The following ASB17 variants were observed in gnomAD, a reference collection of about 807,000 sequenced individuals.
ASB17 encodes ankyrin repeat and SOCS box protein 17.
In ASB17, 26 loss-of-function variants were observed where a neutral mutation model predicts 25.7. The observed-to-expected ratio is 1.01, with a 90% CI of 0.74 to 1.40. The LOEUF (loss-of-function observed/expected upper bound fraction) is 1.40. Among genes scored for constraint, ASB17 ranks in the 40% most tolerant of loss-of-function variants. ASB17 has a pLI of 0.00. For missense variants in ASB17, 326 were observed against 338.5 expected, an observed-to-expected ratio of 0.96 and a Z score of 0.29; for synonymous variants, 128 against 121.4, an observed-to-expected ratio of 1.05 and a Z score of -0.36.
In ASB17 at chr1:75,930,177, A is replaced by G. The variant is rs1653285914; in HGVS notation, c.401+1714T>C. 2.0e-5 allele frequency among the ~76,000 whole-genome samples: 3 copies of G among 148,648 alleles called. No individual in the cohort carries two copies. In the Admixed American group the frequency reaches 2.0e-4, roughly 10 times the overall value. On this transcript the variant is annotated intron_variant, in intron 1 of 2. Coordinates refer to ENST00000284142, the MANE Select transcript of ASB17 (RefSeq NM_080868.3). ...ATTTATATATTATATATATTCAAAT[A>G]TTTAGCTATATATAACCAGTTGTAT...
chr1:75,918,990 G>A lies in ASB17; in HGVS notation c.850C>T (p.Pro284Ser), dbSNP rs748346833. 3.7e-6 allele frequency: 6 copies of A among 1,612,910 alleles called. No individual in the cohort carries two copies. The Admixed American group carries it at 8.3e-5, about 22-fold the overall frequency. ...TTCAGATAGTTTTGTAGACGAGCAG[G>A]AATTAGAAGTGAAAATATTCCATCT... ...LPDGIFSLLI[P>S]ARLQNYLNLE... is the part of the protein sequence containing the mutation. The change falls in exon 3 of 3, where the codon CCT becomes TCT. Residue 284 changes from proline (P) to serine (S), a missense_variant. By Grantham distance (74) the Pro-to-Ser change is moderately conservative (BLOSUM62 -1). Coordinates refer to ENST00000284142, the MANE Select transcript of ASB17 (RefSeq NM_080868.3).
Position 75,919,835 on chromosome 1 carries a change from T to C in ASB17, c.682-677A>G, listed in dbSNP as rs371208404. Among the ~76,000 whole-genome samples the C allele has an allele frequency of 6.3e-3, 954 of 152,300 alleles. 13 individuals carry two copies. The highest frequency in any genetic ancestry group is 0.035 in the Admixed American group (531 of 15,278). ...AAGTCTTTGCTATTGTGAATAGTGC[T>C]GCAATAAACATATGTGTGCATGTGT... is the stretch of plus-strand genomic sequence containing the variant. On this transcript the variant is annotated intron_variant, in intron 2 of 2. Coordinates refer to ENST00000284142, the MANE Select transcript of ASB17 (RefSeq NM_080868.3).
chr1:75,920,756 G>C (rs1007827445), intron 2 of ASB17, among the ~76,000 whole-genome samples: 1 of 146,158 alleles, frequency 6.8e-6, no homozygotes, highest in Non-Finnish European at 1.5e-5. Context: ...CTCTGTCCTA[G>C]TGCTTTTCTT....
rs1045945691 is a variant in ASB17, at chr1:75,931,745, G to A, written c.401+146C>T. ...ATGGAATACATAATAAAAGAGTGAA[G>A]GAGTGAACACGTGGTCAAGCAATTA... On this transcript the variant is annotated intron_variant, in intron 1 of 2. Coordinates refer to ENST00000284142, the MANE Select transcript of ASB17 (RefSeq NM_080868.3). The A allele has an allele frequency of 2.5e-5, 15 of 595,876 alleles. No homozygotes were observed. The African/African-American group carries it at 2.6e-4, about 11-fold the overall frequency. 36.9% of individuals were successfully genotyped at this position (595,876 alleles called of 1,614,324 possible). A position where few individuals can be genotyped will look rare whatever the true frequency, so the allele number is the denominator to read the frequency against.
intron 2 of ASB17, among the ~76,000 whole-genome samples, chr1:75,921,058 G>A (rs1237071725): frequency 6.6e-6 from 1 of 152,224 alleles, no homozygotes; most frequent in African/African-American, 2.4e-5. Flanking sequence ...ACAGGCGTGA[G>A]CCACTGCGCC....
intron 1 of ASB17, among the ~76,000 whole-genome samples, chr1:75,927,251 A>G (rs1313762463): frequency 1.4e-5 from 2 of 142,590 alleles, no homozygotes; most frequent in Non-Finnish European, 3.1e-5. Flanking sequence ...CTCCAGAACT[A>G]TAAGAACTAA....
intron 1 of ASB17, among the ~76,000 whole-genome samples, chr1:75,927,849 A>G (rs1488085157): frequency 6.6e-6 from 1 of 152,124 alleles, no homozygotes; most frequent in Non-Finnish European, 1.5e-5. Flanking sequence ...GGCATTACCC[A>G]TGGTGTAAAT....
chr1:75,930,016 T>C (rs1047623838), intron 1 of ASB17, among the ~76,000 whole-genome samples: 45 of 152,058 alleles, frequency 3.0e-4, no homozygotes, highest in African/African-American at 1.1e-3. Flanking sequence ...TTCTATTCAG[T>C]TTGAGATGCC....
intron 2 of ASB17, among the ~76,000 whole-genome samples, chr1:75,920,559 C>T (rs548035559): frequency 3.9e-4 from 59 of 152,128 alleles, no homozygotes; most frequent in Admixed American, 1.1e-3. Context: ...ATATGTGCTG[C>T]GATAGGGAAA....
At chr1:75,921,525 G>C (rs943457181) in intron 2 of ASB17, among the ~76,000 whole-genome samples, 1 of 152,144 alleles carries the variant, frequency 6.6e-6, no homozygotes, top group Admixed American at 6.5e-5. Flanking sequence ...CCTGTATGCT[G>C]TTAATTGTTT....
At position 75,931,897 on chromosome 1, in the gene ASB17, A is replaced by G. The variant is rs745671695; in HGVS notation, c.395T>C (p.Ile132Thr). ...VQDRSCNLAL[I>T]WRTFTPVYCP... ...AAACATATGAAATTATTACCTCCATATCAGTGCCAGGTTACAACTTCTGTC... is the reference window on the plus strand; with the variant it reads ...AAACATATGAAATTATTACCTCCATGTCAGTGCCAGGTTACAACTTCTGTC... The change falls in exon 1 of 3, where the codon ATA (isoleucine) becomes ACA (threonine). Residue 132 changes from isoleucine to threonine, a missense_variant. Physicochemically the swap from Ile to Thr is moderately conservative, Grantham distance 89. Transcript: ENST00000284142. The G allele has an allele frequency of 1.3e-6, 2 of 1,590,350 alleles. No homozygotes were observed. Among genetic ancestry groups the G allele is most frequent in the South Asian group, 2.3e-5 (2 of 86,794 alleles).
chr1:75,922,825 C>A (rs968854998), intron 1 of ASB17, among the ~76,000 whole-genome samples: 1 of 152,092 alleles, frequency 6.6e-6, no homozygotes, highest in African/African-American at 2.4e-5. Flanking sequence ...GTTTTCCACT[C>A]TATGAATCTA....
At chr1:75,928,024 C>T (rs1653216950) in intron 1 of ASB17, among the ~76,000 whole-genome samples, 1 of 152,134 alleles carries the variant, frequency 6.6e-6, no homozygotes, top group Non-Finnish European at 1.5e-5. Context: ...AGTAATCCTC[C>T]TTCTATCTAG....
intron 1 of ASB17, 39 bp downstream of exon 1, chr1:75,931,852 A>G (rs140553025): frequency 1.3e-6 from 2 of 1,511,362 alleles, no homozygotes; most frequent in African/African-American, 1.4e-5. Flanking sequence ...GTAAAGATAA[A>G]TTTTCTTGTT....
At chr1:75,924,930 C>G (rs1356240104) in intron 1 of ASB17, among the ~76,000 whole-genome samples, 1 of 151,944 alleles carries the variant, frequency 6.6e-6, no homozygotes, top group Non-Finnish European at 1.5e-5. Flanking sequence ...GCACTTTGTA[C>G]CTACCTACAT....
intron 1 of ASB17, among the ~76,000 whole-genome samples, chr1:75,923,225 G>C (rs1653076612): frequency 6.6e-6 from 1 of 152,080 alleles, no homozygotes; most frequent in Non-Finnish European, 1.5e-5. Flanking sequence ...GTTGGGCTTA[G>C]GAAATGTAAA....
intron 1 of ASB17, among the ~76,000 whole-genome samples, chr1:75,927,375 CTCTT>C (rs1653199867): frequency 6.6e-6 from 1 of 152,132 alleles, no homozygotes. Flanking sequence ...TGAAGATTAA[CTCTT>C]TCTTCTCTTA....
At chr1:75,923,369 G>A in intron 1 of ASB17, among the ~76,000 whole-genome samples, 1 of 152,004 alleles carries the variant, frequency 6.6e-6, no homozygotes, top group South Asian at 2.1e-4. Flanking sequence ...CTTCCCTTAT[G>A]ACAGAAATGA....
chr1:75,930,915 A>G (rs991101217), intron 1 of ASB17, among the ~76,000 whole-genome samples: 5 of 152,200 alleles, frequency 3.3e-5, no homozygotes, highest in African/African-American at 1.2e-4. Context: ...TAAAACACAA[A>G]GTACCATTTG....
Sources: gnomAD v4.1 joint callset for allele counts (sites outside exome capture counted in the v4.1 genomes callset) on GRCh38, gnomAD v4.1.1 for gene constraint, MANE v1.5 for transcripts, NCBI Gene and HGNC (gene_info 2026-07-23, HGNC 2026-07-21) for gene names.